The following GALNTL6 variants were observed in gnomAD, a reference collection of about 807,000 sequenced individuals.
GALNTL6 encodes the protein polypeptide N-acetylgalactosaminyltransferase like 6, also known as polypeptide N-acetylgalactosaminyltransferase-like 6.
In GALNTL6, 46 loss-of-function variants were observed where a neutral mutation model predicts 73.7. That is an observed-to-expected ratio of 0.62 (90% CI 0.49 to 0.80). The LOEUF (loss-of-function observed/expected upper bound fraction) is 0.80. Ranked by LOEUF, GALNTL6 falls within the 30% of genes least tolerant of loss-of-function variation. The pLI is 0.00. For missense variants in GALNTL6, 604 were observed against 755.0 expected (o/e 0.80, Z 2.34); for synonymous variants, 259 against 263.7 (o/e 0.98, Z 0.17).
intron 7 of GALNTL6, among the ~76,000 whole-genome samples, chr4:172,847,618 A>G (rs1743582939): frequency 6.6e-6 from 1 of 152,208 alleles, no homozygotes. Flanking sequence ...TTCAGCAGAC[A>G]TTCACTGTGT....
At chr4:172,158,783 C>CA (rs1734363832) in intron 2 of GALNTL6, among the ~76,000 whole-genome samples, 1 of 151,960 alleles carries the variant, frequency 6.6e-6, no homozygotes, top group Admixed American at 6.6e-5. Flanking sequence ...CAATTTTTTT[C>CA]AATGGAAGTT....
intron 5 of GALNTL6, among the ~76,000 whole-genome samples, chr4:172,743,558 C>T (rs1736920058): frequency 6.6e-6 from 1 of 151,968 alleles, no homozygotes; most frequent in Non-Finnish European, 1.5e-5. Context: ...CTTTATCTTC[C>T]ACCCTCATGT....
chr4:171,914,618 G>C (rs1266250563), intron 2 of GALNTL6, among the ~76,000 whole-genome samples: 1 of 151,564 alleles, frequency 6.6e-6, no homozygotes, highest in East Asian at 1.9e-4. Flanking sequence ...GTTTCACCAT[G>C]TTGGCCAGGC....
At chr4:173,017,480 A>G (rs1342168379) in intron 11 of GALNTL6, among the ~76,000 whole-genome samples, 2 of 152,262 alleles carry the variant, frequency 1.3e-5, no homozygotes, top group Non-Finnish European at 2.9e-5. Context: ...ACAAGCTTGC[A>G]GACAGGAAAA....
chr4:171,835,401 G>A (rs904231293), intron 2 of GALNTL6, among the ~76,000 whole-genome samples: 1 of 151,832 alleles, frequency 6.6e-6, no homozygotes, highest in Non-Finnish European at 1.5e-5. Flanking sequence ...ACATTGTTAG[G>A]TGCTAGATTA....
chr4:172,687,851 A>G (rs1373951314), intron 5 of GALNTL6, among the ~76,000 whole-genome samples: 1 of 152,142 alleles, frequency 6.6e-6, no homozygotes, highest in Non-Finnish European at 1.5e-5. Flanking sequence ...GATTATAAAT[A>G]TTCAGTTGCT....
chr4:171,978,745 C>T (rs1490287383), intron 2 of GALNTL6, among the ~76,000 whole-genome samples: 2 of 152,018 alleles, frequency 1.3e-5, no homozygotes, highest in Non-Finnish European at 2.9e-5. Flanking sequence ...TTTTAATAAT[C>T]TTGACTTTTA....
chr4:171,887,873 T>C (rs1736647334), intron 2 of GALNTL6, among the ~76,000 whole-genome samples: 1 of 152,128 alleles, frequency 6.6e-6, no homozygotes, highest in South Asian at 2.1e-4. Flanking sequence ...AAACAAAAAA[T>C]AAACGTAATT....
intron 2 of GALNTL6, among the ~76,000 whole-genome samples, chr4:172,015,384 C>T (rs574331713): frequency 6.6e-6 from 1 of 152,046 alleles, no homozygotes; most frequent in South Asian, 2.1e-4. Flanking sequence ...CTTTTGGTTT[C>T]CATTTATGTG....
At chr4:172,864,946 T>C (rs567549076) in intron 7 of GALNTL6, among the ~76,000 whole-genome samples, 7 of 152,292 alleles carry the variant, frequency 4.6e-5, no homozygotes, top group African/African-American at 1.4e-4. Flanking sequence ...ACAATAGCCA[T>C]AGAGTGTCAC....
At chr4:172,909,678 C>G (rs1311680664) in intron 8 of GALNTL6, among the ~76,000 whole-genome samples, 1 of 152,072 alleles carries the variant, frequency 6.6e-6, no homozygotes, top group African/African-American at 2.4e-5. Context: ...CAGTCAGTCA[C>G]TGTAGTTAAA....
intron 9 of GALNTL6, among the ~76,000 whole-genome samples, chr4:172,931,738 T>C (rs1419788286): frequency 6.6e-6 from 1 of 152,192 alleles, no homozygotes. Flanking sequence ...CTTTCATAAC[T>C]AGGGCCAGCT....
chr4:172,192,277 A>G (rs1735611442), intron 2 of GALNTL6, among the ~76,000 whole-genome samples: 1 of 152,154 alleles, frequency 6.6e-6, no homozygotes, highest in African/African-American at 2.4e-5. Context: ...ACTGTATCCA[A>G]TGGTTTCGAT....
intron 5 of GALNTL6, among the ~76,000 whole-genome samples, chr4:172,483,831 T>C (rs1215991830): frequency 6.6e-6 from 1 of 151,810 alleles, no homozygotes; most frequent in African/African-American, 2.4e-5. Flanking sequence ...ATTGAGAAGT[T>C]AGGAAAAAAA....
chr4:172,130,728 C>A (rs1733465347), intron 2 of GALNTL6, among the ~76,000 whole-genome samples: 1 of 151,966 alleles, frequency 6.6e-6, no homozygotes, highest in Admixed American at 6.6e-5. Flanking sequence ...ATGAAAATTA[C>A]CGCAGTTTTA....
intron 5 of GALNTL6, among the ~76,000 whole-genome samples, chr4:172,518,520 A>G (rs1206528166): frequency 6.6e-6 from 1 of 151,968 alleles, no homozygotes; most frequent in Non-Finnish European, 1.5e-5. Flanking sequence ...TTTATGTGCC[A>G]TTTCTGCAGA....
intron 3 of GALNTL6, among the ~76,000 whole-genome samples, chr4:172,236,685 T>C (rs920408916): frequency 9.2e-5 from 14 of 152,202 alleles, no homozygotes; most frequent in African/African-American, 3.4e-4. Flanking sequence ...CTCTGTGGAA[T>C]ATTTGGTGAT....
At chr4:172,598,319 A>G (rs1411943652) in intron 5 of GALNTL6, among the ~76,000 whole-genome samples, 2 of 152,160 alleles carry the variant, frequency 1.3e-5, no homozygotes, top group African/African-American at 2.4e-5. Context: ...GTTTGAGGCG[A>G]GTGACCTCTG....
In GALNTL6 at chr4:171,834,185, A is replaced by G. The variant is rs1270483735; in HGVS notation, c.138+19467A>G. Among the ~76,000 whole-genome samples, 3 of 151,960 alleles carry G rather than the reference A, an allele frequency of 2.0e-5. 1 individual carries two copies. The highest frequency in any genetic ancestry group is 7.2e-5 in the African/African-American group (3 of 41,432). The stretch of plus-strand genomic sequence containing the variant: ...TTCAGGAAATTATGTGATTCTAAGT[A>G]TAAGTATTTTCAATTAAATACAGTA... On this transcript the variant is annotated intron_variant, in intron 2 of 12. Transcript: ENST00000506823.
Sources: allele counts gnomAD v4.1 joint callset (sites outside exome capture counted in the v4.1 genomes callset), GRCh38; gene constraint gnomAD v4.1.1; transcripts MANE v1.5; gene names NCBI Gene and HGNC (gene_info 2026-07-23, HGNC 2026-07-21).